The following BTC variants were observed in gnomAD, a reference collection of about 807,000 sequenced individuals.
BTC encodes betacellulin.
BTC carries 13 observed loss-of-function variants against 18.1 expected under a neutral mutation model. That is an observed-to-expected ratio of 0.72 (90% CI 0.47 to 1.14). The LOEUF (loss-of-function observed/expected upper bound fraction) is 1.14, where lower values mean the gene tolerates loss of function less well. Among genes scored for constraint, BTC ranks in the 50% most tolerant of loss-of-function variants. The pLI is 0.00. For synonymous variants in BTC, 83 were observed against 79.4 expected (o/e 1.05, Z -0.24); for missense variants, 247 against 224.2 (o/e 1.10, Z -0.65).
intron 2 of BTC, among the ~76,000 whole-genome samples, chr4:74,767,050 A>G (rs1724919249): frequency 6.6e-6 from 1 of 152,036 alleles, no homozygotes; most frequent in Admixed American, 6.6e-5. Context: ...TCTATGCAAC[A>G]TAGCGCAGGA....
chr4:74,748,044 A>G lies in BTC; in HGVS notation c.534T>C (p.Ala178=). Residue 178 remains alanine (A), a synonymous_variant, in exon 5 of 6, where the codon GCT becomes GCC. Transcript: ENST00000395743. The stretch of plus-strand genomic sequence containing the variant: ...CAGCAAGTTTATCTCACTTACTTTA[A>G]GCAATATTTGTCTCTTCAATATCTT... ...INEDIEETNI[A] is the part of the protein sequence containing the mutation. 6.4e-7 allele frequency: 1 copy of G among 1,571,544 alleles called. No individual in the cohort carries two copies. Among genetic ancestry groups the G allele is most frequent in the Non-Finnish European group, 8.7e-7 (1 of 1,147,240 alleles).
At chr4:74,767,453 A>T (rs1170105068) in intron 2 of BTC, among the ~76,000 whole-genome samples, 4 of 151,988 alleles carry the variant, frequency 2.6e-5, no homozygotes, top group East Asian at 3.8e-4. Context: ...ATAAAAAGAC[A>T]TCCTGTTTTT....
chr4:74,766,786 A>G (rs1724912887), intron 2 of BTC, among the ~76,000 whole-genome samples: 1 of 152,090 alleles, frequency 6.6e-6, no homozygotes, highest in African/African-American at 2.4e-5. Flanking sequence ...TACCAAAGTT[A>G]AACAAAGACA....
At chr4:74,767,130 C>A (rs1227896351) in intron 2 of BTC, among the ~76,000 whole-genome samples, 1 of 151,596 alleles carries the variant, frequency 6.6e-6, no homozygotes, top group Non-Finnish European at 1.5e-5. Context: ...GAAATAATTT[C>A]ATCTCTGTTT....
chr4:74,784,246 A>AAAG lies in BTC; in HGVS notation c.64+10015_64+10016insCTT, dbSNP rs1553959265. Among the ~76,000 whole-genome samples, 860 of 151,658 alleles carry AAAG rather than the reference A, an allele frequency of 5.7e-3. 13 individuals carry two copies. The highest frequency in any genetic ancestry group is 0.02 in the African/African-American group (828 of 41,262). ...GATTCTCTCTCGAAAAAAAAAAAAAAAAAGAAAAAAGAATGCTAGTGATTT... is the reference window on the plus strand; with the variant it reads ...GATTCTCTCTCGAAAAAAAAAAAAAAAAGAAAGAAAAAAGAATGCTAGTGATTT... On this transcript the variant is annotated intron_variant, in intron 1 of 5. Transcript: ENST00000395743.
At chr4:74,748,303 C>G (rs1724347655) in intron 4 of BTC, among the ~76,000 whole-genome samples, 154 bp from the exon 5 acceptor site, 1 of 152,144 alleles carries the variant, frequency 6.6e-6, no homozygotes, top group South Asian at 2.1e-4. Context: ...AATCCCAGCA[C>G]TTTGGGAGGC....
At chr4:74,762,551 A>G (rs1553957425) in intron 2 of BTC, among the ~76,000 whole-genome samples, 1 of 152,178 alleles carries the variant, frequency 6.6e-6, no homozygotes, top group African/African-American at 2.4e-5. Context: ...AATAAAGTAT[A>G]ATAAAATAAA....
intron 5 of BTC, among the ~76,000 whole-genome samples, chr4:74,747,552 A>G (rs1160411129): frequency 6.6e-6 from 1 of 152,116 alleles, no homozygotes; most frequent in African/African-American, 2.4e-5. Context: ...GAGACTCAGT[A>G]TACCTTTTCT....
intron 2 of BTC, 30 bp from the exon 3 acceptor site, chr4:74,756,006 A>C (rs782226201): frequency 4.0e-6 from 6 of 1,516,420 alleles, no homozygotes; most frequent in Non-Finnish European, 1.8e-6. Context: ...TCAATAAATC[A>C]ACTCTCTTTA....
At chr4:74,788,066 C>G (rs775467077) in intron 1 of BTC, among the ~76,000 whole-genome samples, 2 of 152,154 alleles carry the variant, frequency 1.3e-5, no homozygotes, top group Non-Finnish European at 2.9e-5. Flanking sequence ...TATTTTAAGT[C>G]TATCTTGTAA....
intron 2 of BTC, among the ~76,000 whole-genome samples, chr4:74,766,670 T>C (rs1724910626): frequency 6.6e-6 from 1 of 152,076 alleles, no homozygotes; most frequent in South Asian, 2.1e-4. Flanking sequence ...TAGTGAATTC[T>C]ATCAAACATT....
chr4:74,774,310 T>G (rs563361692), intron 1 of BTC, among the ~76,000 whole-genome samples: 1 of 152,244 alleles, frequency 6.6e-6, no homozygotes, highest in East Asian at 1.9e-4. Flanking sequence ...AGTACCGGTC[T>G]TGGAATTATG....
intron 3 of BTC, among the ~76,000 whole-genome samples, chr4:74,755,160 G>A (rs1473218712): frequency 1.3e-5 from 2 of 152,012 alleles, no homozygotes; most frequent in African/African-American, 4.8e-5. Flanking sequence ...TATATACTGG[G>A]GCAACTGTGC....
At chr4:74,784,710 T>C (rs533384602) in intron 1 of BTC, among the ~76,000 whole-genome samples, 248 of 152,358 alleles carry the variant, frequency 1.6e-3, no homozygotes, top group Non-Finnish European at 2.9e-3. Flanking sequence ...TAGTTCTGTT[T>C]ATATGATGAA....
chr4:74,793,743 C>T (rs904322621), intron 1 of BTC, among the ~76,000 whole-genome samples: 1 of 152,198 alleles, frequency 6.6e-6, no homozygotes, highest in African/African-American at 2.4e-5. Context: ...TACTCCTCCT[C>T]CCGCTGGCAC....
chr4:74,793,299 C>T (rs1224761431), intron 1 of BTC, among the ~76,000 whole-genome samples: 3 of 152,196 alleles, frequency 2.0e-5, no homozygotes, highest in East Asian at 1.9e-4. Context: ...ACTCCAAGGA[C>T]ACAGTCAAAT....
At position 74,794,310 on chromosome 4, in the gene BTC, G is replaced by C. The variant is rs574312284; in HGVS notation, c.16C>G (p.Arg6Gly). The change falls in exon 1 of 6, where the codon CGG becomes GGG. Residue 6 changes from arginine to glycine, a missense_variant. Transcript: ENST00000395743. MDRAA[R>G]CSGASSLPLL... ...GGCAGGGAGCTGGCGCCGCTGCACC[G>C]GGCGGCCCGGTCCATCAACCCCGCT... is the stretch of plus-strand genomic sequence containing the variant. The C allele has an allele frequency of 1.3e-5, 20 of 1,547,496 alleles. No homozygotes were observed. The East Asian group carries it at 4.7e-4, about 36-fold the overall frequency.
chr4:74,755,888 G>A lies in BTC; in HGVS notation c.252C>T (p.Phe84=), dbSNP rs782289206. ...KHYCIKGRCR[F]VVAEQTPSCV... ...AGGAGGGCGTCTGCTCGGCCACCAC[G>A]AAGCGGCATCTCCCTTTGATGCAGT... Residue 84 remains phenylalanine, a synonymous_variant, in exon 3 of 6, where the codon TTC becomes TTT. Coordinates refer to ENST00000395743, the MANE Select transcript of BTC (RefSeq NM_001729.4). The A allele has an allele frequency of 4.6e-5, 75 of 1,614,034 alleles. No homozygotes were observed. The South Asian group carries it at 6.0e-4, about 13-fold the overall frequency.
At chr4:74,776,723 A>G (rs1725184549) in intron 1 of BTC, among the ~76,000 whole-genome samples, 1 of 152,150 alleles carries the variant, frequency 6.6e-6, no homozygotes, top group African/African-American at 2.4e-5. Flanking sequence ...AAGATCATAC[A>G]TGACCAACTT....
Sources: gnomAD v4.1 joint callset for allele counts (sites outside exome capture counted in the v4.1 genomes callset) on GRCh38, gnomAD v4.1.1 for gene constraint, MANE v1.5 for transcripts, NCBI Gene and HGNC (gene_info 2026-07-23, HGNC 2026-07-21) for gene names.